The following GSE1 variants were observed in gnomAD, a reference collection of about 807,000 sequenced individuals.
GSE1 encodes Gse1 coiled-coil protein.
A neutral mutation model predicts 112.6 loss-of-function variants in GSE1; 32 were observed. The observed-to-expected ratio is 0.28, with a 90% CI of 0.21 to 0.38. The LOEUF is 0.38. Among genes scored for constraint, GSE1 ranks in the 10% least tolerant of loss-of-function variants. GSE1 has a pLI of 1.00. For missense variants in GSE1, 2,348 were observed against 1,699.2 expected, an observed-to-expected ratio of 1.38 and a Z score of -6.71; for synonymous variants, 1,115 against 735.6, an observed-to-expected ratio of 1.52 and a Z score of -8.35.
intron 2 of GSE1, among the ~76,000 whole-genome samples, chr16:85,425,913 G>C (rs1440312201): frequency 6.6e-6 from 1 of 152,236 alleles, no homozygotes; most frequent in African/African-American, 2.4e-5. Context: ...GAGCGGTGGA[G>C]TTTCCTGCCC....
intron 1 of GSE1, among the ~76,000 whole-genome samples, chr16:85,216,613 A>G (rs966174533): frequency 2.6e-5 from 4 of 152,184 alleles, no homozygotes; most frequent in African/African-American, 4.8e-5. Context: ...TACTTTTCTT[A>G]TCTCCCTGGG....
rs1440694906 is a variant in GSE1 at position 85,656,382 on chromosome 16, C to CAGGCGGGAGAGG, written c.1029_1030insAGGCGGGAGAGG (p.Arg343_Glu344insArgArgGluArg). On this transcript the variant is annotated inframe_insertion, in exon 7 of 16. Transcript: ENST00000253458. ...AGGAGCTAAGGCGGGAGAGGGAGCG[C>CAGGCGGGAGAGG]GAGCGCGAGCGCGAGCGTGAGCGTG... The CAGGCGGGAGAGG allele has an allele frequency of 6.9e-7, 1 of 1,458,626 alleles. No homozygotes were observed. The highest frequency in any genetic ancestry group is 9.2e-7 in the Non-Finnish European group (1 of 1,088,400). The allele number at this position is 1,458,626 out of a possible 1,614,324, so 90.4% of individuals were successfully genotyped here. A position where few individuals can be genotyped will look rare whatever the true frequency, so the allele number is the denominator to read the frequency against.
intron 1 of GSE1, among the ~76,000 whole-genome samples, chr16:85,196,204 G>C (rs2074923978): frequency 6.6e-6 from 1 of 152,180 alleles, no homozygotes; most frequent in African/African-American, 2.4e-5. Flanking sequence ...TGGGGCCCGT[G>C]TTATCATTGT....
upstream of GSE1, among the ~76,000 whole-genome samples, chr16:85,607,701 G>T (rs372991812): frequency 3.9e-5 from 6 of 152,228 alleles, no homozygotes; most frequent in African/African-American, 1.2e-4. Context: ...CCCAAGAGGG[G>T]GCAGGCAGGG....
intron 1 of GSE1, among the ~76,000 whole-genome samples, chr16:85,220,285 C>T (rs1487428001): frequency 2.0e-5 from 3 of 152,268 alleles, no homozygotes; most frequent in Admixed American, 6.5e-5. Context: ...TGGGGGCAGG[C>T]GGGGGTCTGG....
At chr16:85,400,631 C>G (rs2048083456) in intron 2 of GSE1, among the ~76,000 whole-genome samples, 1 of 149,814 alleles carries the variant, frequency 6.7e-6, no homozygotes, top group African/African-American at 2.5e-5. Context: ...CTCTGTGTGT[C>G]TGTGTGTTGT....
At chr16:85,237,277 C>G (rs144945514) in intron 1 of GSE1, among the ~76,000 whole-genome samples, 138 of 152,072 alleles carry the variant, frequency 9.1e-4, no homozygotes, top group African/African-American at 3.2e-3. Context: ...TTGCTGAGAT[C>G]GCGCCACTGC....
chr16:85,415,318 T>A (rs2048678700), intron 2 of GSE1, among the ~76,000 whole-genome samples: 1 of 152,220 alleles, frequency 6.6e-6, no homozygotes, highest in African/African-American at 2.4e-5. Flanking sequence ...CCTCTTCATG[T>A]CTACAGAGGA....
upstream of GSE1, chr16:85,555,732 C>G: frequency 2.1e-6 from 2 of 970,200 alleles, no homozygotes; most frequent in Non-Finnish European, 2.4e-6. Flanking sequence ...GGAAACAGGT[C>G]TCTTGACCCT....
intron 2 of GSE1, among the ~76,000 whole-genome samples, chr16:85,530,411 T>C (rs1392664544): frequency 1.3e-5 from 2 of 151,780 alleles, no homozygotes; most frequent in Admixed American, 6.6e-5. Flanking sequence ...TAGGATACTT[T>C]GGGGATGTCG....
intron 2 of GSE1, among the ~76,000 whole-genome samples, chr16:85,450,362 C>T (rs1324481639): frequency 1.3e-5 from 2 of 151,972 alleles, no homozygotes; most frequent in Non-Finnish European, 2.9e-5. Flanking sequence ...AGGTGATCTG[C>T]CCGCCTTGGC....
chr16:85,454,407 G>T (rs2049768274), intron 2 of GSE1, among the ~76,000 whole-genome samples: 1 of 152,224 alleles, frequency 6.6e-6, no homozygotes, highest in Non-Finnish European at 1.5e-5. Flanking sequence ...GCTCAGGAGG[G>T]GTGGCCAGCC....
exon 1 of GSE1, chr16:85,169,677 G>A (rs1475202842): frequency 3.6e-5 from 35 of 983,510 alleles, no homozygotes; most frequent in Non-Finnish European, 4.2e-5. Flanking sequence ...AGCAGCCGGC[G>A]GCGGGCGCGG....
chr16:85,348,073 G>T (rs1363908322), intron 1 of GSE1, among the ~76,000 whole-genome samples: 2 of 152,074 alleles, frequency 1.3e-5, no homozygotes, highest in African/African-American at 2.4e-5. Flanking sequence ...GGTCCAGGAC[G>T]CATGGTCCAG....
chr16:85,372,880 G>A (rs999851866), intron 2 of GSE1, among the ~76,000 whole-genome samples: 3 of 152,206 alleles, frequency 2.0e-5, no homozygotes, highest in African/African-American at 7.2e-5. Context: ...GAAGGCTAAG[G>A]AGGAGGGGAA....
chr16:85,564,871 A>C (rs553378265), intron 1 of GSE1, among the ~76,000 whole-genome samples: 1 of 152,254 alleles, frequency 6.6e-6, no homozygotes, highest in South Asian at 2.1e-4. Flanking sequence ...TTGTCCTCAG[A>C]CAGCCAGGCG....
chr16:85,668,493 G>T, intron 14 of GSE1, 69 bp downstream of exon 14: 2 of 1,098,622 alleles, frequency 1.8e-6, no homozygotes, highest in East Asian at 2.4e-5. Flanking sequence ...GCTGAGTGAT[G>T]AGTTCATGCA....
chr16:85,478,906 T>TC (rs1491548859), intron 2 of GSE1, among the ~76,000 whole-genome samples: 2 of 66,624 alleles, frequency 3.0e-5, no homozygotes, highest in African/African-American at 1.5e-4. Context: ...TTTCTTTCTT[T>TC]CTTTCTTTCT....
At chr16:85,576,303 A>AG (rs1270540333) in intron 1 of GSE1, among the ~76,000 whole-genome samples, 1 of 152,248 alleles carries the variant, frequency 6.6e-6, no homozygotes, top group African/African-American at 2.4e-5. Context: ...ATGGTCTCCG[A>AG]TGTAACTGGA....
Sources: allele counts gnomAD v4.1 joint callset (sites outside exome capture counted in the v4.1 genomes callset), GRCh38; gene constraint gnomAD v4.1.1; transcripts MANE v1.5; gene names NCBI Gene and HGNC (gene_info 2026-07-23, HGNC 2026-07-21).